The following ZMIZ1 variants were observed in gnomAD, a reference collection of about 807,000 sequenced individuals.
The protein encoded by ZMIZ1 is zinc finger MIZ domain-containing protein 1.
A neutral mutation model predicts 113.9 loss-of-function variants in ZMIZ1; 17 were observed. That is an observed-to-expected ratio of 0.15 (90% CI 0.10 to 0.22). The LOEUF (loss-of-function observed/expected upper bound fraction) is 0.22. Among genes scored for constraint, ZMIZ1 ranks in the 10% least tolerant of loss-of-function variants. The probability of loss-of-function intolerance (pLI) is 1.00; values close to 1 mark genes in which losing one functional copy is unlikely to be tolerated. For synonymous variants in ZMIZ1, 607 were observed against 603.1 expected (o/e 1.01, Z -0.09); for missense variants, 1,059 against 1,477.8 (o/e 0.72, Z 4.65).
chr10:79,277,618 T>C (rs555750435), intron 8 of ZMIZ1, among the ~76,000 whole-genome samples: 15 of 152,104 alleles, frequency 9.9e-5, no homozygotes, highest in Non-Finnish European at 1.9e-4. Flanking sequence ...TTGACCAGGG[T>C]ATTGGGCAAA....
At chr10:79,310,742 G>C (rs917006496) in intron 23 of ZMIZ1, among the ~76,000 whole-genome samples, 182 bp from the exon 24 acceptor site, 35 of 152,096 alleles carry the variant, frequency 2.3e-4, no homozygotes, top group Admixed American at 1.3e-3. Flanking sequence ...CCTGATGGGC[G>C]GTTTTGGGGG....
rs1219483613 is a variant in ZMIZ1, at chr10:79,305,247, C to G, written c.2354+16C>G. The G allele has an allele frequency of 6.2e-7, 1 of 1,613,356 alleles. No individual in the cohort carries two copies. The highest frequency in any genetic ancestry group is 8.5e-7 in the Non-Finnish European group (1 of 1,179,662). ...CTGTGTGCAAGTGAGTGATGCCCAC[C>G]CCGGTGGGGGCTTCCCCCATCCCCC... On this transcript the variant is annotated intron_variant, in intron 20 of 24. Coordinates refer to ENST00000334512, the MANE Select transcript of ZMIZ1 (RefSeq NM_020338.4).
chr10:79,083,819 A>G (rs989885419), intron 1 of ZMIZ1, among the ~76,000 whole-genome samples: 1 of 152,190 alleles, frequency 6.6e-6, no homozygotes, highest in African/African-American at 2.4e-5. Flanking sequence ...TGAGCTAGAG[A>G]ACTGGCTCAA....
At chr10:79,194,760 A>G (rs1204980259) in intron 4 of ZMIZ1, among the ~76,000 whole-genome samples, 1 of 152,156 alleles carries the variant, frequency 6.6e-6, no homozygotes, top group Non-Finnish European at 1.5e-5. Context: ...TTCAGCTCTC[A>G]ACGTTCTATC....
chr10:79,267,968 G>A (rs372717778), intron 7 of ZMIZ1, among the ~76,000 whole-genome samples: 2 of 152,154 alleles, frequency 1.3e-5, no homozygotes, highest in Admixed American at 6.5e-5. Context: ...TAGAACTTGG[G>A]GTCCCAGGGA....
intron 1 of ZMIZ1, among the ~76,000 whole-genome samples, chr10:79,105,675 G>T (rs905312756): frequency 6.6e-6 from 1 of 152,186 alleles, no homozygotes; most frequent in African/African-American, 2.4e-5. Context: ...CAGTGCCATT[G>T]TTTGTTCTCC....
intron 7 of ZMIZ1, among the ~76,000 whole-genome samples, chr10:79,268,544 A>G (rs1402643079): frequency 6.6e-6 from 1 of 152,168 alleles, no homozygotes; most frequent in Non-Finnish European, 1.5e-5. Flanking sequence ...GATTCATGTC[A>G]GTGTGTTAGT....
intron 7 of ZMIZ1, among the ~76,000 whole-genome samples, chr10:79,266,893 C>T (rs1160838820): frequency 6.6e-6 from 1 of 152,240 alleles, no homozygotes; most frequent in Non-Finnish European, 1.5e-5. Flanking sequence ...TGAGTCAGAC[C>T]ACTCATTCCT....
chr10:79,119,911 T>G (rs1228930928), intron 2 of ZMIZ1, among the ~76,000 whole-genome samples: 5 of 152,178 alleles, frequency 3.3e-5, no homozygotes, highest in Admixed American at 1.3e-4. Context: ...ACACTTACTG[T>G]GTGCCAACTC....
chr10:79,191,449 C>T (rs2054717905), intron 4 of ZMIZ1, among the ~76,000 whole-genome samples: 1 of 152,164 alleles, frequency 6.6e-6, no homozygotes, highest in African/African-American at 2.4e-5. Flanking sequence ...CTGTTCTCAC[C>T]CCTCTCTTCC....
intron 1 of ZMIZ1, among the ~76,000 whole-genome samples, chr10:79,112,772 G>C (rs1424554194): frequency 6.6e-6 from 1 of 152,234 alleles, no homozygotes; most frequent in Non-Finnish European, 1.5e-5. Flanking sequence ...ATGTCAAAAT[G>C]TCTGGGCATT....
At position 79,166,218 on chromosome 10, in the gene ZMIZ1, G is replaced by A. The variant is rs982816060; in HGVS notation, c.-50+4085G>A. 2.6e-5 allele frequency among the ~76,000 whole-genome samples: 4 copies of A among 152,086 alleles called. No homozygotes were observed. The South Asian group carries it at 8.3e-4, about 32-fold the overall frequency. On this transcript the variant is annotated intron_variant, in intron 4 of 24. Transcript: ENST00000334512. ...TCCTCACCTCTGCTCTCCTTCTCAGGGCCACTCCTTACCAGGCCTCCCAGC... is the reference window on the plus strand; with the variant it reads ...TCCTCACCTCTGCTCTCCTTCTCAGAGCCACTCCTTACCAGGCCTCCCAGC...
chr10:79,262,272 G>A (rs752542436), intron 7 of ZMIZ1, among the ~76,000 whole-genome samples: 11 of 152,216 alleles, frequency 7.2e-5, no homozygotes, highest in Non-Finnish European at 1.2e-4. Flanking sequence ...AAATGTATTC[G>A]TTGGCTCCAC....
At chr10:79,111,810 G>C (rs1843753543) in intron 1 of ZMIZ1, among the ~76,000 whole-genome samples, 1 of 152,246 alleles carries the variant, frequency 6.6e-6, no homozygotes, top group Admixed American at 6.5e-5. Flanking sequence ...ATTACAGCAG[G>C]TGTGATGTAG....
At chr10:79,103,758 C>T (rs1564652220) in intron 1 of ZMIZ1, among the ~76,000 whole-genome samples, 2 of 152,054 alleles carry the variant, frequency 1.3e-5, no homozygotes, top group Admixed American at 6.5e-5. Flanking sequence ...GCTGTGTGGG[C>T]GAGTGCTTCC....
intron 4 of ZMIZ1, among the ~76,000 whole-genome samples, chr10:79,193,772 C>A (rs540188058): frequency 2.6e-5 from 4 of 152,126 alleles, no homozygotes; most frequent in African/African-American, 4.8e-5. Context: ...CCAGGCATTG[C>A]GGGCAGAGGG....
intron 23 of ZMIZ1, 90 bp from the exon 24 acceptor site, chr10:79,310,834 C>T (rs1855098450): frequency 2.1e-6 from 3 of 1,438,186 alleles, no homozygotes; most frequent in Middle Eastern, 3.8e-4. Context: ...TGTGACTTCC[C>T]TGGTTGTGTT....
intron 1 of ZMIZ1, among the ~76,000 whole-genome samples, chr10:79,096,162 G>A (rs1843159564): frequency 6.6e-6 from 1 of 152,200 alleles, no homozygotes; most frequent in African/African-American, 2.4e-5. Context: ...TGGGTCTGGA[G>A]GAGAGGGGGA....
intron 4 of ZMIZ1, among the ~76,000 whole-genome samples, chr10:79,200,114 T>G (rs533589688): frequency 1.3e-5 from 2 of 152,240 alleles, no homozygotes; most frequent in African/African-American, 4.8e-5. Flanking sequence ...TGAAAAGTCC[T>G]GGCTGACATG....
Sources: allele counts gnomAD v4.1 joint callset (sites outside exome capture counted in the v4.1 genomes callset), GRCh38; gene constraint gnomAD v4.1.1; transcripts MANE v1.5; gene names NCBI Gene and HGNC (gene_info 2026-07-23, HGNC 2026-07-21).